The following BZW2 variants were observed in gnomAD, a reference collection of about 807,000 sequenced individuals.
BZW2 encodes the protein eIF5-mimic protein 1.
In BZW2, 23 loss-of-function variants were observed where a neutral mutation model predicts 53.2. That is an observed-to-expected ratio of 0.43 (90% CI 0.31 to 0.61). The LOEUF (loss-of-function observed/expected upper bound fraction) is 0.61, where lower values mean the gene tolerates loss of function less well. Among genes scored for constraint, BZW2 ranks in the 20% least tolerant of loss-of-function variants. The probability of loss-of-function intolerance (pLI) is 0.09; values close to 1 mark genes in which losing one functional copy is unlikely to be tolerated. For synonymous variants in BZW2, 227 were observed against 186.4 expected, an observed-to-expected ratio of 1.22 and a Z score of -1.77; for missense variants, 409 against 503.1, an observed-to-expected ratio of 0.81 and a Z score of 1.79.
intron 1 of BZW2, chr7:16,661,137 G>A (rs1562477929): frequency 6.6e-6 from 1 of 152,050 alleles, no homozygotes; most frequent in Non-Finnish European, 1.5e-5. Context: ...GTTACGTAAG[G>A]CAGGTTATCA....
chr7:16,675,516 T>C (rs1782737729), intron 3 of BZW2, among the ~76,000 whole-genome samples: 1 of 152,214 alleles, frequency 6.6e-6, no homozygotes, highest in Non-Finnish European at 1.5e-5. Flanking sequence ...CATCTTGAGG[T>C]GGAACTGCCC....
intron 10 of BZW2, among the ~76,000 whole-genome samples, chr7:16,699,472 T>G (rs1368162214): frequency 6.6e-6 from 1 of 152,186 alleles, no homozygotes; most frequent in Non-Finnish European, 1.5e-5. Flanking sequence ...GAGAGACCTA[T>G]GGGACAGGTT....
intron 10 of BZW2, among the ~76,000 whole-genome samples, chr7:16,702,751 G>A (rs1432686865): frequency 2.0e-5 from 3 of 152,064 alleles, no homozygotes; most frequent in Middle Eastern, 3.4e-3. Flanking sequence ...ATTCATTAAG[G>A]TGTGGAGAAA....
chr7:16,684,751 A>T (rs1259558063), intron 5 of BZW2, among the ~76,000 whole-genome samples: 1 of 152,140 alleles, frequency 6.6e-6, no homozygotes, highest in Non-Finnish European at 1.5e-5. Context: ...GCACTTACTT[A>T]GATGTTAACT....
At chr7:16,688,013 G>C (rs1017217852) in intron 6 of BZW2, among the ~76,000 whole-genome samples, 1 of 151,280 alleles carries the variant, frequency 6.6e-6, no homozygotes, top group African/African-American at 2.4e-5. Context: ...TGCATGTTTT[G>C]TTGTTATAGC....
chr7:16,704,740 TC>T (rs1783780002), intron 11 of BZW2, 71 bp downstream of exon 11: 13 of 1,357,596 alleles, frequency 9.6e-6, no homozygotes, highest in Middle Eastern at 2.3e-4. Flanking sequence ...ATTTACCTCT[TC>T]CACAGATTTT....
chr7:16,684,231 G>A (rs1661386449), intron 5 of BZW2, among the ~76,000 whole-genome samples: 1 of 152,172 alleles, frequency 6.6e-6, no homozygotes. Context: ...CAACCATTTG[G>A]TAGTAGTTTG....
intron 7 of BZW2, among the ~76,000 whole-genome samples, chr7:16,692,270 G>C (rs1204603840): frequency 6.6e-6 from 1 of 152,126 alleles, no homozygotes; most frequent in Non-Finnish European, 1.5e-5. Flanking sequence ...TAGTGATTAA[G>C]AAATCAAAGA....
intron 11 of BZW2, among the ~76,000 whole-genome samples, chr7:16,705,629 G>C (rs1783827865): frequency 6.9e-6 from 1 of 144,592 alleles, no homozygotes; most frequent in African/African-American, 2.6e-5. Context: ...AGGTTGCAGT[G>C]AGCCAAGATC....
At chr7:16,649,380 G>C (rs1223425445) in intron 1 of BZW2, among the ~76,000 whole-genome samples, 1 of 152,158 alleles carries the variant, frequency 6.6e-6, no homozygotes, top group African/African-American at 2.4e-5. Flanking sequence ...GTGAGGTGAG[G>C]TGGCACTAAG....
chr7:16,689,318 A>G (rs575180466), intron 6 of BZW2, among the ~76,000 whole-genome samples: 1 of 152,218 alleles, frequency 6.6e-6, no homozygotes, highest in Admixed American at 6.5e-5. Flanking sequence ...TCGTAGCAAT[A>G]CTTATTGTAT....
Position 16,681,287 on chromosome 7 carries a change from C to G in BZW2, c.236-14C>G, listed in dbSNP as rs200287207. On this transcript the variant is annotated splice_polypyrimidine_tract_variant and intron_variant, in intron 3 of 11. Transcript: ENST00000258761. The stretch of plus-strand genomic sequence containing the variant: ...TCAGTATTATCCTAATTACAATTAC[C>G]TTTCTCTTTTTAGCCCCTGGAGGAA... 2.5e-5 allele frequency: 40 copies of G among 1,600,758 alleles called. No individual in the cohort carries two copies. In the African/African-American group the frequency reaches 5.0e-4, roughly 20 times the overall value.
At chr7:16,657,594 A>G (rs1405896051) in intron 1 of BZW2, among the ~76,000 whole-genome samples, 1 of 152,224 alleles carries the variant, frequency 6.6e-6, no homozygotes, top group African/African-American at 2.4e-5. Context: ...TTTCAGAAAT[A>G]AATTGTTAGT....
At chr7:16,696,540 G>A (rs920497388) in intron 8 of BZW2, among the ~76,000 whole-genome samples, 12 of 127,518 alleles carry the variant, frequency 9.4e-5, no homozygotes, top group African/African-American at 3.0e-4. Flanking sequence ...AAAGTTTAGG[G>A]ATGGGATAAA....
chr7:16,681,937 A>G (rs948358942), intron 4 of BZW2, among the ~76,000 whole-genome samples: 2 of 152,192 alleles, frequency 1.3e-5, no homozygotes, highest in Non-Finnish European at 2.9e-5. Flanking sequence ...TCTTGTATAC[A>G]TGTTAAGGAA....
chr7:16,698,336 T>A (rs1408331198), intron 10 of BZW2, 150 bp downstream of exon 10: 9 of 1,070,666 alleles, frequency 8.4e-6, no homozygotes, highest in African/African-American at 1.6e-5. Flanking sequence ...GAGGCAACCA[T>A]ACCATGTAGA....
In BZW2 at chr7:16,658,150, G is replaced by A. The variant is rs117186981; in HGVS notation, c.-7-7287G>A. On this transcript the variant is annotated intron_variant, in intron 1 of 11. Transcript: ENST00000258761. ...ATAACCCATCTGGGGAAAGTGCAAG[G>A]GCCCAGAGGAAGGAATGCACATGCC... Among the ~76,000 whole-genome samples the A allele has an allele frequency of 9.0e-3, 1,374 of 152,222 alleles. 10 individuals are homozygous for A. The highest frequency in any genetic ancestry group is 0.014 in the Non-Finnish European group (982 of 67,994).
At chr7:16,670,181 A>G (rs1042499201) in intron 2 of BZW2, among the ~76,000 whole-genome samples, 3 of 152,184 alleles carry the variant, frequency 2.0e-5, no homozygotes, top group African/African-American at 7.2e-5. Flanking sequence ...AGCTGTAAGT[A>G]ATCATTTTGA....
At position 16,706,137 on chromosome 7, in the gene BZW2, TG is replaced by T. The variant is rs1446604768; in HGVS notation, c.*52del. ...AGGTTACCACACACCACTTTTTGAT[TG>T]GGAATGCTGAACCATTTGAGAAGAG... On this transcript the variant is annotated 3_prime_UTR_variant, in exon 12 of 12. Transcript: ENST00000258761. 1.3e-6 allele frequency: 2 copies of T among 1,592,010 alleles called. No homozygotes were observed. Among genetic ancestry groups the T allele is most frequent in the Non-Finnish European group, 1.7e-6 (2 of 1,164,698 alleles).
Sources: allele counts gnomAD v4.1 joint callset (sites outside exome capture counted in the v4.1 genomes callset), GRCh38; gene constraint gnomAD v4.1.1; transcripts MANE v1.5; gene names NCBI Gene and HGNC (gene_info 2026-07-23, HGNC 2026-07-21).